BAIAP3: variants seen among roughly 807,000 people sequenced by gnomAD.
The protein encoded by BAIAP3 is BAI1-associated protein 3.
In BAIAP3, 180 loss-of-function variants were observed where a neutral mutation model predicts 149.7. The ratio of observed to expected loss-of-function variants is 1.20; its 90% confidence interval spans 1.07 to 1.36. The LOEUF (loss-of-function observed/expected upper bound fraction) is 1.36, where lower values mean the gene tolerates loss of function less well. BAIAP3 is among the 40% of genes most tolerant of loss of function. BAIAP3 has a pLI of 0.00. For missense variants in BAIAP3, 1,767 were observed against 1,563.4 expected (o/e 1.13, Z -2.20); for synonymous variants, 845 against 670.7 (o/e 1.26, Z -4.02).
At chr16:1,336,274 C>G (rs2033449228) in intron 1 of BAIAP3, 1 of 985,276 alleles carries the variant, frequency 1.0e-6, no homozygotes, top group Non-Finnish European at 1.2e-6. Flanking sequence ...GACTCCCAGG[C>G]CCCTGAGGAT....
rs567756480 is a variant in BAIAP3, at chr16:1,349,129, C to T, written c.*647C>T. The T allele has an allele frequency of 1.0e-4, 45 of 430,746 alleles. No individual in the cohort carries two copies. The highest frequency in any genetic ancestry group is 1.8e-4 in the Non-Finnish European group (41 of 233,316). The allele number at this position is 430,746 out of a possible 1,614,324, so 26.7% of individuals were successfully genotyped here. ...GTGCCAACTGGTCAGCTGTCCTTCA[C>T]GCACATATCCGTGGCCACCTGAGAC... On this transcript the variant is annotated 3_prime_UTR_variant, in exon 34 of 34. Transcript: ENST00000426824.
intron 8 of BAIAP3, 30 bp downstream of exon 8, chr16:1,341,519 G>C (rs770701477): frequency 2.5e-6 from 4 of 1,588,186 alleles, no homozygotes; most frequent in Admixed American, 1.7e-5. Flanking sequence ...GGGTGCGGGA[G>C]GGGGGCTCTG....
Position 1,348,862 on chromosome 16 carries a change from C to T in BAIAP3, c.*380C>T. 1 of 354,042 alleles carries T rather than the reference C, an allele frequency of 2.8e-6. No homozygotes were observed. Among genetic ancestry groups the T allele is most frequent in the Non-Finnish European group, 5.3e-6 (1 of 189,198 alleles). 21.9% of individuals were successfully genotyped at this position (354,042 alleles called of 1,614,324 possible). On this transcript the variant is annotated 3_prime_UTR_variant, in exon 34 of 34. Coordinates refer to ENST00000426824, the MANE Select transcript of BAIAP3 (RefSeq NM_001199097.2). Reference sequence around the variant, plus strand: ...TCAGTGAGTGGCTGTGCTCTCTGCACAACGGGCAATGTGCAGACGCATTTT... The same window carrying T: ...TCAGTGAGTGGCTGTGCTCTCTGCATAACGGGCAATGTGCAGACGCATTTT...
chr16:1,347,215 G>C, intron 28 of BAIAP3, 83 bp from the exon 29 acceptor site: 1 of 1,391,030 alleles, frequency 7.2e-7, no homozygotes, highest in Non-Finnish European at 9.9e-7. Context: ...AGTGCTGCCT[G>C]GGCCCCTTTG....
In BAIAP3 at chr16:1,348,165, G is replaced by A; in HGVS notation, c.3219G>A (p.Trp1073Ter). Reference protein sequence around the residue: ...CVLFTVMDHDWLSTNDFAGEA... With the variant: ...CVLFTVMDHD The stretch of plus-strand genomic sequence containing the variant: ...TGTTCACCGTCATGGACCACGACTG[G>A]CTGTCCACCAACGACTTCGCTGGGG... Residue 1073 changes from tryptophan (W) to a stop codon, truncating the protein, a stop_gained, in exon 33 of 34, where the codon TGG (tryptophan) becomes TGA (stop). Transcript: ENST00000426824. LOFTEE classifies it high-confidence loss of function. The A allele has an allele frequency of 6.2e-7, 1 of 1,608,752 alleles. No individual in the cohort carries two copies. Among genetic ancestry groups the A allele is most frequent in the South Asian group, 1.1e-5 (1 of 91,074 alleles).
intron 14 of BAIAP3, 183 bp from the exon 15 acceptor site, chr16:1,343,210 A>G: frequency 1.8e-6 from 2 of 1,127,114 alleles, no homozygotes; most frequent in East Asian, 2.6e-5. Flanking sequence ...AGGCAGCGAA[A>G]GGGGCGGTGC....
Position 1,346,492 on chromosome 16 carries a change from C to A in BAIAP3, c.2544C>A (p.Asp848Glu), listed in dbSNP as rs140109010. ...TACAGCACATCAGTCTCTCGCCTGA[C>A]TCCATCCAGAACGATGAGGTGAGTG... Reference protein sequence around the residue: ...KYVQHISLSPDSIQNDEAVAP... With the variant: ...KYVQHISLSPESIQNDEAVAP... Residue 848 changes from aspartate (D) to glutamate (E), a missense_variant, in exon 26 of 34, where the codon GAC becomes GAA. Coordinates refer to ENST00000426824, the MANE Select transcript of BAIAP3 (RefSeq NM_001199097.2). 6.2e-7 allele frequency: 1 copy of A among 1,611,746 alleles called. No individual in the cohort carries two copies. The highest frequency in any genetic ancestry group is 1.7e-5 in the Admixed American group (1 of 59,826).
At chr16:1,340,370 C>G (rs1187074270) in intron 5 of BAIAP3, among the ~76,000 whole-genome samples, 2 of 140,990 alleles carry the variant, frequency 1.4e-5, no homozygotes, top group African/African-American at 5.2e-5. Flanking sequence ...TGCAGGTGCA[C>G]ACAGACACGC....
At chr16:1,337,390 C>T (rs564757143) in intron 1 of BAIAP3, among the ~76,000 whole-genome samples, 9 of 152,288 alleles carry the variant, frequency 5.9e-5, no homozygotes, top group South Asian at 2.1e-4. Flanking sequence ...TGGTGGCGGG[C>T]GCCTGTAATC....
intron 13 of BAIAP3, 38 bp downstream of exon 13, chr16:1,342,852 G>C: frequency 6.2e-7 from 1 of 1,612,316 alleles, no homozygotes; most frequent in South Asian, 1.1e-5. Context: ...GCCCGGCAGG[G>C]GGCCTGAGGA....
At chr16:1,340,463 GATGCAC>G (rs2033844209) in intron 5 of BAIAP3, among the ~76,000 whole-genome samples, 1 of 54,372 alleles carries the variant, frequency 1.8e-5, no homozygotes, top group Admixed American at 2.6e-4. Flanking sequence ...GGTGCACACA[GATGCAC>G]ACGCACACAG....
At chr16:1,334,568 C>G in intron 1 of BAIAP3, 1 of 1,233,046 alleles carries the variant, frequency 8.1e-7, no homozygotes, top group South Asian at 1.4e-5. Flanking sequence ...TGCTGGGCGC[C>G]AGCGGCTGGA....
chr16:1,343,699 A>C (rs1416119363), intron 15 of BAIAP3, among the ~76,000 whole-genome samples, 186 bp downstream of exon 15: 2 of 152,316 alleles, frequency 1.3e-5, no homozygotes, highest in East Asian at 3.9e-4. Flanking sequence ...CGTGGGAGTC[A>C]CCTCGGGGGG....
rs1222502990 is a variant in BAIAP3, at chr16:1,348,914, G to A, written c.*432G>A. The A allele has an allele frequency of 7.6e-6, 2 of 262,116 alleles. No individual in the cohort carries two copies. The highest frequency in any genetic ancestry group is 4.9e-5 in the South Asian group (1 of 20,412). 16.2% of individuals were successfully genotyped at this position (262,116 alleles called of 1,614,324 possible). A position where few individuals can be genotyped will look rare whatever the true frequency, so the allele number is the denominator to read the frequency against. ...GGTAATCACAGCTGGGGAGTGAAAA[G>A]GGTGCCACTGGCACCACTGGGTGGA... On this transcript the variant is annotated 3_prime_UTR_variant, in exon 34 of 34. Coordinates refer to ENST00000426824, the MANE Select transcript of BAIAP3 (RefSeq NM_001199097.2).
intron 27 of BAIAP3, 25 bp downstream of exon 27, chr16:1,346,709 G>A (rs758804754): frequency 1.3e-6 from 2 of 1,497,452 alleles, no homozygotes; most frequent in Non-Finnish European, 1.8e-6. Flanking sequence ...GGTGGGATGG[G>A]CTGGGCTGGC....
At chr16:1,337,810 C>T (rs2033569933) in intron 1 of BAIAP3, among the ~76,000 whole-genome samples, 1 of 152,188 alleles carries the variant, frequency 6.6e-6, no homozygotes, top group Non-Finnish European at 1.5e-5. Flanking sequence ...GGGCCCGGCT[C>T]GCTTCATGTT....
At chr16:1,345,611 G>GCCTCCC in intron 22 of BAIAP3, 136 bp from the exon 23 acceptor site, 1 of 275,210 alleles carries the variant, frequency 3.6e-6, no homozygotes, top group Non-Finnish European at 5.7e-6. Flanking sequence ...AGCCTCCTCA[G>GCCTCCC]CAACCCCAGC....
Position 1,338,596 on chromosome 16 carries a change from A to G in BAIAP3, c.47A>G (p.Gln16Arg). ...AAGAGCAGCGTGCTCAGGCAGGTGC[A>G]GGTGTGCCCGTCCTTCCGCCGCAGG... is the stretch of plus-strand genomic sequence containing the variant. ...DIKSSVLRQVQVCPSFRRRTE... is the reference protein window; with the variant it reads ...DIKSSVLRQVRVCPSFRRRTE... The change falls in exon 2 of 34, where the codon CAG becomes CGG. Residue 16 changes from glutamine to arginine, a missense_variant. Coordinates refer to ENST00000426824, the MANE Select transcript of BAIAP3 (RefSeq NM_001199097.2). 6.2e-7 allele frequency: 1 copy of G among 1,609,046 alleles called. No individual in the cohort carries two copies. The highest frequency in any genetic ancestry group is 8.5e-7 in the Non-Finnish European group (1 of 1,178,330).
chr16:1,343,300 TG>T (rs2034060565), intron 14 of BAIAP3, 92 bp from the exon 15 acceptor site: 2 of 1,496,666 alleles, frequency 1.3e-6, no homozygotes, highest in Non-Finnish European at 1.8e-6. Context: ...GCTGATTGGG[TG>T]GGGCAGAGAA....
Sources: gnomAD v4.1 joint callset for allele counts (sites outside exome capture counted in the v4.1 genomes callset) on GRCh38, gnomAD v4.1.1 for gene constraint, MANE v1.5 for transcripts, NCBI Gene and HGNC (gene_info 2026-07-23, HGNC 2026-07-21) for gene names.